Variants in SLC35F1 observed in about 807,000 individuals in gnomAD.
The protein encoded by SLC35F1 is chromosome 6 open reading frame 169.
Under a neutral mutation model 48.7 loss-of-function variants are expected in SLC35F1, and 14 were observed. That is an observed-to-expected ratio of 0.29 (90% CI 0.19 to 0.45). The LOEUF (loss-of-function observed/expected upper bound fraction) is 0.45, where lower values mean the gene tolerates loss of function less well. Ranked by LOEUF, SLC35F1 falls within the 20% of genes least tolerant of loss-of-function variation. The probability of loss-of-function intolerance (pLI) is 1.00; values close to 1 mark genes in which losing one functional copy is unlikely to be tolerated. For missense variants in SLC35F1, 404 were observed against 500.0 expected (o/e 0.81, Z 1.83); for synonymous variants, 190 against 202.2 (o/e 0.94, Z 0.51).
chr6:118,157,474 T>C (rs536072081), intron 2 of SLC35F1, among the ~76,000 whole-genome samples: 4 of 152,050 alleles, frequency 2.6e-5, no homozygotes, highest in Non-Finnish European at 5.9e-5. Context: ...TGACTCATGA[T>C]CACAAGGTGA....
chr6:118,194,697 G>A (rs1189106333), intron 2 of SLC35F1, among the ~76,000 whole-genome samples: 1 of 152,116 alleles, frequency 6.6e-6, no homozygotes, highest in East Asian at 1.9e-4. Context: ...ACTTTACAGA[G>A]GAGATAAACA....
intron 3 of SLC35F1, among the ~76,000 whole-genome samples, chr6:118,243,387 G>C (rs1775465290): frequency 6.6e-6 from 1 of 152,202 alleles, no homozygotes; most frequent in Non-Finnish European, 1.5e-5. Flanking sequence ...GCTCAGACAG[G>C]AGGATTGCTT....
intron 1 of SLC35F1, among the ~76,000 whole-genome samples, chr6:118,071,043 C>CGTAGAATATATATACTATGTGTATATAT (rs1772708220): frequency 1.3e-4 from 1 of 7,640 alleles, no homozygotes. Context: ...TATATATATA[C>CGTAGAATATATATACTATGTGTATATAT]ACATAGTATA....
At chr6:118,154,347 T>C (rs1437261815) in intron 1 of SLC35F1, 98 bp from the exon 2 acceptor site, 1 of 978,394 alleles carries the variant, frequency 1.0e-6, no homozygotes, top group African/African-American at 1.6e-5. Context: ...TTGCACTTAA[T>C]CCAGTGCATG....
chr6:118,224,547 T>C (rs935379760), intron 2 of SLC35F1, among the ~76,000 whole-genome samples: 2 of 152,134 alleles, frequency 1.3e-5, no homozygotes, highest in Admixed American at 6.5e-5. Flanking sequence ...GGCACACTCA[T>C]TTATTTCTTA....
chr6:118,077,125 G>A (rs1772833874), intron 1 of SLC35F1, among the ~76,000 whole-genome samples: 1 of 152,158 alleles, frequency 6.6e-6, no homozygotes, highest in African/African-American at 2.4e-5. Context: ...AGAAAGCATT[G>A]ACTTGTCCTT....
In SLC35F1 at chr6:118,299,249, G is replaced by A. The variant is rs552490336; in HGVS notation, c.1002+13911G>A. 2.6e-3 allele frequency among the ~76,000 whole-genome samples: 401 copies of A among 152,224 alleles called. 2 individuals are homozygous for A. The highest frequency in any genetic ancestry group is 0.012 in the South Asian group (60 of 4,824). On this transcript the variant is annotated intron_variant, in intron 7 of 7. Coordinates refer to ENST00000360388, the MANE Select transcript of SLC35F1 (RefSeq NM_001029858.4). ...CATACTTTCATATATAAACATTTAA[G>A]CAAGAATTTGTGTCCATAGAGACAA...
At chr6:118,212,946 T>C (rs1443091732) in intron 2 of SLC35F1, among the ~76,000 whole-genome samples, 4 of 152,216 alleles carry the variant, frequency 2.6e-5, no homozygotes, top group Non-Finnish European at 5.9e-5. Flanking sequence ...ATAATTCCTA[T>C]CTAACCTGAA....
At chr6:117,993,142 T>C (rs962772360) in intron 1 of SLC35F1, among the ~76,000 whole-genome samples, 7 of 152,168 alleles carry the variant, frequency 4.6e-5, no homozygotes, top group South Asian at 2.1e-4. Flanking sequence ...AGCCAATCCA[T>C]AGAAACATGC....
Position 118,317,325 on chromosome 6 carries a change from GTT to G in SLC35F1, c.*3075_*3076del, listed in dbSNP as rs1776450540. On this transcript the variant is annotated 3_prime_UTR_variant, in exon 8 of 8. Transcript: ENST00000360388. ...TTGCACCACCGTGTCCCATGAAATT[GTT>G]TCAATGTTTAGTTTAGATATTGCTA... 1 of 152,162 alleles carries G rather than the reference GTT, an allele frequency of 6.6e-6. No homozygotes were observed. Among genetic ancestry groups the G allele is most frequent in the Non-Finnish European group, 1.5e-5 (1 of 68,026 alleles). The allele number at this position is 152,162 out of a possible 1,614,324, so 9.4% of individuals were successfully genotyped here. A position where few individuals can be genotyped will look rare whatever the true frequency, so the allele number is the denominator to read the frequency against.
intron 1 of SLC35F1, among the ~76,000 whole-genome samples, chr6:118,132,887 G>A (rs1050432881): frequency 5.3e-5 from 8 of 152,036 alleles, no homozygotes; most frequent in South Asian, 2.1e-4. Flanking sequence ...TGTCTCCTTC[G>A]TATCAACATG....
In SLC35F1 at chr6:118,298,672, T is replaced by C. The variant is rs1776221545; in HGVS notation, c.1002+13334T>C. Reference sequence around the variant, plus strand: ...GAGTCAGCCAACTCCACTTCTTTCCTCTGAATGACTTCTGGTAGGTAATGC... The same window carrying C: ...GAGTCAGCCAACTCCACTTCTTTCCCCTGAATGACTTCTGGTAGGTAATGC... On this transcript the variant is annotated intron_variant, in intron 7 of 7. Transcript: ENST00000360388. Among the ~76,000 whole-genome samples, 5 of 152,200 alleles carry C rather than the reference T, an allele frequency of 3.3e-5. No homozygotes were observed. In the South Asian group the frequency reaches 8.3e-4, roughly 25 times the overall value.
chr6:118,264,310 C>T (rs1460526302), intron 3 of SLC35F1, among the ~76,000 whole-genome samples: 1 of 152,204 alleles, frequency 6.6e-6, no homozygotes, highest in Non-Finnish European at 1.5e-5. Context: ...TCTGACAATT[C>T]ATTGATTTAT....
intron 1 of SLC35F1, among the ~76,000 whole-genome samples, chr6:118,096,352 G>T (rs9385035): frequency 6.6e-6 from 1 of 151,982 alleles, no homozygotes; most frequent in African/African-American, 2.4e-5. Context: ...AGAATCCAGT[G>T]AATGTGAGTT....
intron 2 of SLC35F1, among the ~76,000 whole-genome samples, chr6:118,208,462 T>C (rs1259903635): frequency 6.6e-6 from 1 of 152,250 alleles, no homozygotes; most frequent in East Asian, 1.9e-4. Flanking sequence ...TTTTGTGTTA[T>C]GGATTAACTA....
intron 1 of SLC35F1, among the ~76,000 whole-genome samples, chr6:118,149,441 C>T (rs1273988560): frequency 6.6e-6 from 1 of 152,112 alleles, no homozygotes; most frequent in African/African-American, 2.4e-5. Context: ...TTGATCAGGG[C>T]AAGATGGCAG....
intron 1 of SLC35F1, among the ~76,000 whole-genome samples, chr6:117,981,108 A>ACCC: frequency 6.6e-6 from 1 of 152,182 alleles, no homozygotes; most frequent in Non-Finnish European, 1.5e-5. Context: ...TTTCCATGTA[A>ACCC]AAAGGGTATT....
chr6:118,289,751 G>A (rs1028262926), intron 7 of SLC35F1, among the ~76,000 whole-genome samples: 2 of 152,072 alleles, frequency 1.3e-5, no homozygotes, highest in Non-Finnish European at 2.9e-5. Context: ...ACATAGTCAT[G>A]CCTAGGTCCT....
At chr6:118,141,276 A>G (rs908221366) in intron 1 of SLC35F1, among the ~76,000 whole-genome samples, 1 of 152,340 alleles carries the variant, frequency 6.6e-6, no homozygotes. Context: ...ACAAATACTT[A>G]CCATTGTGTT....
Sources: allele counts gnomAD v4.1 joint callset (sites outside exome capture counted in the v4.1 genomes callset), GRCh38; gene constraint gnomAD v4.1.1; transcripts MANE v1.5; gene names NCBI Gene and HGNC (gene_info 2026-07-23, HGNC 2026-07-21).